Variants in HYAL4 observed in about 807,000 individuals in gnomAD.
HYAL4 encodes the protein hyaluronidase 4, also known as hyaluronidase-4.
In HYAL4, 37 loss-of-function variants were observed where a neutral mutation model predicts 35.2. That is an observed-to-expected ratio of 1.05 (90% CI 0.81 to 1.38). The LOEUF is 1.38. Ranked by LOEUF, HYAL4 falls within the 40% of genes most tolerant of loss-of-function variation. The probability of loss-of-function intolerance (pLI) is 0.00; values close to 1 mark genes in which losing one functional copy is unlikely to be tolerated. For synonymous variants in HYAL4, 198 were observed against 203.2 expected (o/e 0.97, Z 0.22); for missense variants, 572 against 572.4 (o/e 1.00, Z 0.01).
chr7:123,805,334 G>A, the HYAL4 span, among the ~76,000 whole-genome samples: 1 of 152,014 alleles, frequency 6.6e-6, no homozygotes, highest in African/African-American at 2.4e-5. Flanking sequence ...TAATGTTGTT[G>A]GATATGAATT....
intron 3 of HYAL4, among the ~76,000 whole-genome samples, chr7:123,873,295 CA>C (rs1282661791): frequency 6.6e-6 from 1 of 151,392 alleles, no homozygotes; most frequent in Non-Finnish European, 1.5e-5. Context: ...ATGACCTGTT[CA>C]ACAGATATTA....
At chr7:123,794,452 G>A in the HYAL4 span, among the ~76,000 whole-genome samples, 1 of 152,180 alleles carries the variant, frequency 6.6e-6, no homozygotes, top group Admixed American at 6.5e-5. Flanking sequence ...AGGCCTGGAG[G>A]CCTAGGAGGG....
chr7:123,794,006 A>C, the HYAL4 span, among the ~76,000 whole-genome samples: 1 of 152,336 alleles, frequency 6.6e-6, no homozygotes, highest in East Asian at 1.9e-4. Flanking sequence ...TTTCCTAGAA[A>C]CTTGTTGAAT....
the HYAL4 span, among the ~76,000 whole-genome samples, chr7:123,774,150 C>A: frequency 6.6e-6 from 1 of 152,092 alleles, no homozygotes; most frequent in Non-Finnish European, 1.5e-5. Context: ...ATCCTCCTAC[C>A]CCAGCCTCCC....
chr7:123,870,601 A>C (rs1415999587), intron 3 of HYAL4, among the ~76,000 whole-genome samples: 1 of 152,010 alleles, frequency 6.6e-6, no homozygotes, highest in Non-Finnish European at 1.5e-5. Flanking sequence ...ATCTCTACTA[A>C]AAATACAAAA....
chr7:123,820,209 C>A, the HYAL4 span, among the ~76,000 whole-genome samples: 1 of 151,836 alleles, frequency 6.6e-6, no homozygotes, highest in Non-Finnish European at 1.5e-5. Context: ...TGATTCTTTA[C>A]TTTGCTGATT....
intron 3 of HYAL4, among the ~76,000 whole-genome samples, chr7:123,870,123 CAG>C (rs1475866567): frequency 6.6e-6 from 1 of 152,170 alleles, no homozygotes. Flanking sequence ...TATATTTTAA[CAG>C]AGGCATTTTT....
the HYAL4 span, among the ~76,000 whole-genome samples, chr7:123,773,649 G>T: frequency 6.6e-6 from 1 of 152,130 alleles, no homozygotes; most frequent in Non-Finnish European, 1.5e-5. Flanking sequence ...GTGTGCATGC[G>T]CATATACGTT....
chr7:123,865,691 A>C (rs956717343), intron 2 of HYAL4, among the ~76,000 whole-genome samples: 3 of 152,312 alleles, frequency 2.0e-5, no homozygotes, highest in Non-Finnish European at 4.4e-5. Flanking sequence ...GAGAAATACC[A>C]TGAGGTTTGG....
At chr7:123,821,268 C>T in the HYAL4 span, among the ~76,000 whole-genome samples, 2 of 152,146 alleles carry the variant, frequency 1.3e-5, no homozygotes, top group African/African-American at 4.8e-5. Context: ...ATTTAACATT[C>T]CCATCAACAG....
the HYAL4 span, among the ~76,000 whole-genome samples, chr7:123,780,457 A>C: frequency 6.6e-6 from 1 of 152,250 alleles, no homozygotes; most frequent in East Asian, 1.9e-4. Flanking sequence ...TGGCTGTCAC[A>C]TAAGAATATA....
At chr7:123,846,823 C>T (rs1044110098) in intron 1 of HYAL4, among the ~76,000 whole-genome samples, 30 of 152,190 alleles carry the variant, frequency 2.0e-4, no homozygotes, top group African/African-American at 7.0e-4. Flanking sequence ...GCTTTTCTTG[C>T]TGCTTCCTCT....
At chr7:123,764,243 G>A in the HYAL4 span, among the ~76,000 whole-genome samples, 3 of 152,188 alleles carry the variant, frequency 2.0e-5, no homozygotes, top group Admixed American at 6.5e-5. Context: ...CCAGTGCTGG[G>A]ATTTTAGGGG....
intron 3 of HYAL4, among the ~76,000 whole-genome samples, chr7:123,873,052 A>G (rs1806922965): frequency 6.6e-6 from 1 of 152,192 alleles, no homozygotes; most frequent in Non-Finnish European, 1.5e-5. Context: ...TGACTATATG[A>G]CACCATTTTC....
chr7:123,866,148 C>G (rs142900911), intron 2 of HYAL4, among the ~76,000 whole-genome samples: 34 of 152,298 alleles, frequency 2.2e-4, no homozygotes, highest in African/African-American at 7.5e-4. Flanking sequence ...TATCACTTCT[C>G]TATAAATCAG....
At chr7:123,778,159 G>GTCTATCTA in the HYAL4 span, among the ~76,000 whole-genome samples, 11,434 of 120,746 alleles carry the variant, frequency 0.095, 506 homozygotes, top group African/African-American at 0.12. Flanking sequence ...CTGTCTGTCT[G>GTCTATCTA]TCTATCTATC....
upstream of HYAL4, among the ~76,000 whole-genome samples, chr7:123,826,589 G>A (rs1218984971): frequency 2.0e-5 from 3 of 152,152 alleles, no homozygotes; most frequent in East Asian, 5.8e-4. Context: ...ATTTGAAATT[G>A]TAATTTTAAA....
chr7:123,802,959 C>A, the HYAL4 span, among the ~76,000 whole-genome samples: 2 of 152,196 alleles, frequency 1.3e-5, no homozygotes, highest in African/African-American at 4.8e-5. Context: ...GCTCCATACA[C>A]CTGATTATTT....
chr7:123,862,866 C>A (rs1433261819), intron 2 of HYAL4, among the ~76,000 whole-genome samples: 1 of 152,174 alleles, frequency 6.6e-6, no homozygotes, highest in Non-Finnish European at 1.5e-5. Context: ...CCACATCTTT[C>A]CCATCTCATT....
Sources: allele counts gnomAD v4.1 joint callset (sites outside exome capture counted in the v4.1 genomes callset), GRCh38; gene constraint gnomAD v4.1.1; transcripts MANE v1.5; gene names NCBI Gene and HGNC (gene_info 2026-07-23, HGNC 2026-07-21).